The following EMCN variants were observed in gnomAD, a reference collection of about 807,000 sequenced individuals.
The protein encoded by EMCN is MUC-14.
Under a neutral mutation model 38.4 loss-of-function variants are expected in EMCN, and 37 were observed. The observed-to-expected ratio is 0.96, with a 90% CI of 0.74 to 1.27. The LOEUF is 1.27. EMCN is among the 50% of genes most tolerant of loss of function. The pLI is 0.00. For missense variants in EMCN, 318 were observed against 302.8 expected (o/e 1.05, Z -0.37); for synonymous variants, 95 against 100.8 (o/e 0.94, Z 0.35).
chr4:100,478,429 G>A (rs1026501262), intron 2 of EMCN, among the ~76,000 whole-genome samples: 3 of 152,130 alleles, frequency 2.0e-5, no homozygotes, highest in African/African-American at 4.8e-5. Context: ...ATTTGATGAT[G>A]GCATGGTAGC....
intron 1 of EMCN, 133 bp from the exon 2 acceptor site, chr4:100,480,172 C>G: frequency 1.4e-6 from 1 of 703,026 alleles, no homozygotes; most frequent in Non-Finnish European, 2.2e-6. Flanking sequence ...TCAATTTATC[C>G]TTAGCTCAGC....
At chr4:100,479,513 T>C (rs1728750377) in intron 2 of EMCN, among the ~76,000 whole-genome samples, 1 of 152,270 alleles carries the variant, frequency 6.6e-6, no homozygotes. Flanking sequence ...TTAAATCTAT[T>C]ATCAACAGAA....
intron 1 of EMCN, among the ~76,000 whole-genome samples, chr4:100,491,683 C>T (rs1729084831): frequency 6.6e-6 from 1 of 152,152 alleles, no homozygotes; most frequent in Non-Finnish European, 1.5e-5. Flanking sequence ...TAACCTGGCC[C>T]AACATGAGGT....
In EMCN at chr4:100,486,750, G is replaced by A. The variant is rs903101565; in HGVS notation, c.65-6711C>T. On this transcript the variant is annotated intron_variant, in intron 1 of 11. Transcript: ENST00000296420. ...GAGAACAGGAAGACAGCATTCCAGT[G>A]GTGAGTTTGTTAAACAGAAAACAAC... The A allele has an allele frequency of 4.9e-6, 3 of 615,100 alleles. No homozygotes were observed. In the African/African-American group the frequency reaches 6.0e-5, roughly 12 times the overall value. 38.1% of individuals were successfully genotyped at this position (615,100 alleles called of 1,614,324 possible).
chr4:100,408,548 A>G (rs1560602675), intron 11 of EMCN, among the ~76,000 whole-genome samples: 1 of 152,176 alleles, frequency 6.6e-6, no homozygotes, highest in Non-Finnish European at 1.5e-5. Context: ...CTTAAACATA[A>G]TGACTGGTAG....
At position 100,420,139 on chromosome 4, in the gene EMCN, G is replaced by A. The variant is rs150742872; in HGVS notation, c.664+1143C>T. ...TGTAACTCAATAAGTATATAGTAAG[G>A]GCCTGCTATATATTAGGTAGCATGC... On this transcript the variant is annotated intron_variant, in intron 8 of 11. Coordinates refer to ENST00000296420, the MANE Select transcript of EMCN (RefSeq NM_016242.4). Among the ~76,000 whole-genome samples the A allele has an allele frequency of 3.6e-4, 55 of 151,990 alleles. 1 individual carries two copies. The highest frequency in any genetic ancestry group is 1.3e-3 in the African/African-American group (52 of 41,472).
intron 3 of EMCN, among the ~76,000 whole-genome samples, chr4:100,468,860 T>C (rs1461520969): frequency 1.3e-5 from 2 of 151,898 alleles, no homozygotes; most frequent in Non-Finnish European, 1.5e-5. Flanking sequence ...AAAATTCACA[T>C]GTTATTGTTT....
At chr4:100,433,030 A>T (rs1727246964) in intron 5 of EMCN, among the ~76,000 whole-genome samples, 1 of 152,166 alleles carries the variant, frequency 6.6e-6, no homozygotes, top group Admixed American at 6.5e-5. Flanking sequence ...ATACAGTACA[A>T]TTGTGTTAAC....
intron 10 of EMCN, 152 bp from the exon 11 acceptor site, chr4:100,410,507 G>T: frequency 1.5e-6 from 1 of 687,174 alleles, no homozygotes; most frequent in Non-Finnish European, 2.5e-6. Flanking sequence ...GTATTGTCTA[G>T]AAATTAGTCA....
At chr4:100,441,369 A>G (rs969815995) in intron 5 of EMCN, among the ~76,000 whole-genome samples, 1 of 152,100 alleles carries the variant, frequency 6.6e-6, no homozygotes. Context: ...ATCTTCTTCC[A>G]TTGCTTTACT....
At chr4:100,488,127 A>AT (rs1036843096) in intron 1 of EMCN, among the ~76,000 whole-genome samples, 1 of 152,170 alleles carries the variant, frequency 6.6e-6, no homozygotes, top group Non-Finnish European at 1.5e-5. Context: ...CTGGGCCTCC[A>AT]TTTTTTCATC....
chr4:100,504,124 G>A (rs1729417944), intron 1 of EMCN, among the ~76,000 whole-genome samples: 1 of 152,202 alleles, frequency 6.6e-6, no homozygotes, highest in Non-Finnish European at 1.5e-5. Flanking sequence ...TGTCTTTGTA[G>A]AATATTGTTT....
intron 8 of EMCN, among the ~76,000 whole-genome samples, chr4:100,419,876 C>T (rs557237399): frequency 1.2e-4 from 18 of 152,134 alleles, no homozygotes; most frequent in African/African-American, 3.4e-4. Flanking sequence ...TTGGTACTGT[C>T]GTTATCATAC....
At chr4:100,467,505 C>T (rs976501924) in intron 3 of EMCN, among the ~76,000 whole-genome samples, 1 of 151,454 alleles carries the variant, frequency 6.6e-6, no homozygotes, top group African/African-American at 2.4e-5. Flanking sequence ...GGTGAAACCC[C>T]GTCTCTACTA....
chr4:100,447,382 A>T, intron 5 of EMCN, 151 bp downstream of exon 5: 1 of 612,122 alleles, frequency 1.6e-6, no homozygotes, highest in Non-Finnish European at 2.8e-6. Flanking sequence ...CATTTTTTTA[A>T]ACTCAAGTTT....
intron 3 of EMCN, among the ~76,000 whole-genome samples, chr4:100,474,338 AATT>A (rs1374544133): frequency 1.3e-5 from 2 of 152,228 alleles, no homozygotes; most frequent in Non-Finnish European, 2.9e-5. Flanking sequence ...CCACTGAGAT[AATT>A]ATAATTAAGA....
intron 5 of EMCN, among the ~76,000 whole-genome samples, chr4:100,430,877 T>C (rs1157093751): frequency 6.6e-6 from 1 of 152,184 alleles, no homozygotes; most frequent in Non-Finnish European, 1.5e-5. Context: ...TAAAATCCTA[T>C]GTTAAAAAAA....
At chr4:100,468,420 G>A (rs1426346937) in intron 3 of EMCN, among the ~76,000 whole-genome samples, 6 of 152,178 alleles carry the variant, frequency 3.9e-5, no homozygotes, top group Non-Finnish European at 5.9e-5. Context: ...GAGATGGTTT[G>A]TGGTCATGGA....
At chr4:100,428,083 C>T (rs1650273690) in intron 5 of EMCN, among the ~76,000 whole-genome samples, 1 of 95,510 alleles carries the variant, frequency 1.0e-5, no homozygotes, top group Admixed American at 1.1e-4. Context: ...AGTTATAAAA[C>T]ATGGGTCAGC....
Sources: allele counts gnomAD v4.1 joint callset (sites outside exome capture counted in the v4.1 genomes callset), GRCh38; gene constraint gnomAD v4.1.1; transcripts MANE v1.5; gene names NCBI Gene and HGNC (gene_info 2026-07-23, HGNC 2026-07-21).